Variants in MYO15B observed in about 807,000 individuals in gnomAD.
MYO15B encodes the protein myosin XVB pseudogene.
A neutral mutation model predicts 119.3 loss-of-function variants in MYO15B; 207 were observed. The ratio of observed to expected loss-of-function variants is 1.73; its 90% CI spans 1.55 to 1.95. MYO15B has a LOEUF of 1.95. Ranked by LOEUF, MYO15B falls within the 30% of genes most tolerant of loss-of-function variation. MYO15B has a pLI of 0.00. For synonymous variants in MYO15B, 966 were observed against 498.9 expected (o/e 1.94, Z -12.48); for missense variants, 2,264 against 1,203.1 (o/e 1.88, Z -13.04).
chr17:75,620,251 C>T (rs564893205), exon 48 of MYO15B: 13 of 702,554 alleles, frequency 1.9e-5, no homozygotes, highest in East Asian at 5.4e-5. Flanking sequence ...CACAGGACTC[C>T]GGCTATGTCA....
At position 75,621,175 on chromosome 17, in the gene MYO15B, TTG is replaced by T. The variant is rs1329799042; in HGVS notation, c.7871+2_7871+3del. 1.4e-6 allele frequency: 1 copy of T among 692,106 alleles called. No homozygotes were observed. The highest frequency in any genetic ancestry group is 2.6e-6 in the Non-Finnish European group (1 of 379,000). 42.9% of individuals were successfully genotyped at this position (692,106 alleles called of 1,614,324 possible). ...GCGTTACTTCCGGAGGTCCCAGGCC[TTG>T]TGAGTGCACTGGGCCAACCCCTGTG... On this transcript the variant is annotated splice_donor_variant and coding_sequence_variant, in exon 50 of 64. Transcript: ENST00000645453. LOFTEE classifies it high-confidence loss of function.
chr17:75,614,119 C>G, intron 29 of MYO15B, 80 bp from the exon 30 acceptor site: 2 of 669,248 alleles, frequency 3.0e-6, no homozygotes, highest in South Asian at 3.2e-5. Context: ...CCTCAGCCCC[C>G]TGCCCCCTTG....
Position 75,616,602 on chromosome 17 carries a change from C to T in MYO15B, c.6323C>T (p.Ala2108Val), listed in dbSNP as rs537069085. Reference sequence around the variant, plus strand: ...GCCAAAGCTCCAAAAGAGGCTGAGGCTGAGCCAGCCAAGGAGACAGCGGCC... The same window carrying T: ...GCCAAAGCTCCAAAAGAGGCTGAGGTTGAGCCAGCCAAGGAGACAGCGGCC... The change falls in exon 39 of 64, where the codon GCT (alanine) becomes GTT (valine). Residue 2108 changes from alanine to valine, a missense_variant. Physicochemically the swap from Ala to Val is moderately conservative, Grantham distance 64 (BLOSUM62 0). Coordinates refer to ENST00000645453, the Ensembl canonical transcript of MYO15B. The T allele has an allele frequency of 4.6e-5, 32 of 703,034 alleles. No individual in the cohort carries two copies. The East Asian group carries it at 8.6e-4, about 19-fold the overall frequency. 43.5% of individuals were successfully genotyped at this position (703,034 alleles called of 1,614,324 possible).
At chr17:75,591,978 TGGA>T in exon 6 of MYO15B, 1 of 702,416 alleles carries the variant, frequency 1.4e-6, no homozygotes, top group South Asian at 1.5e-5. Flanking sequence ...CCTGTACAGG[TGGA>T]GGATATGCTG....
intron 23 of MYO15B, 90 bp downstream of exon 23, chr17:75,611,049 G>T (rs2057995720): frequency 1.4e-6 from 1 of 699,538 alleles, no homozygotes; most frequent in African/African-American, 1.7e-5. Context: ...GTGCTACCGT[G>T]GGTCTTGTCC....
chr17:75,610,125 T>C (rs997298587), intron 21 of MYO15B, 41 bp from the exon 22 acceptor site: 7 of 676,962 alleles, frequency 1.0e-5, no homozygotes, highest in East Asian at 2.7e-5. Flanking sequence ...AAGCATAAGT[T>C]TGGACTCTTC....
chr17:75,596,633 T>C, intron 13 of MYO15B, 78 bp downstream of exon 13: 2 of 693,052 alleles, frequency 2.9e-6, no homozygotes, highest in Non-Finnish European at 2.6e-6. Context: ...TGAAGGAAAG[T>C]TGGGAACTGA....
chr17:75,588,003 C>A (rs978919070), exon 1 of MYO15B: 12 of 398,168 alleles, frequency 3.0e-5, no homozygotes, highest in African/African-American at 2.3e-4. Context: ...AGGCCAAATC[C>A]CCGGGGAGGG....
chr17:75,592,753 C>T (rs539172130), exon 9 of MYO15B: 13 of 702,616 alleles, frequency 1.9e-5, no homozygotes, highest in Middle Eastern at 2.4e-4. Context: ...TGCAGGGGCT[C>T]GGCTTGTGCC....
intron 6 of MYO15B, 35 bp from the exon 7 acceptor site, chr17:75,592,203 T>A: frequency 1.4e-6 from 1 of 702,322 alleles, no homozygotes; most frequent in Non-Finnish European, 2.6e-6. Context: ...GTGTTCTGCA[T>A]CCTGGGCACT....
rs2058466757 is a variant in MYO15B, at chr17:75,617,761, T to C, written c.6815-49T>C. 5 of 676,496 alleles carry C rather than the reference T, an allele frequency of 7.4e-6. No individual in the cohort carries two copies. The Admixed American group carries it at 1.0e-4, about 14-fold the overall frequency. 41.9% of individuals were successfully genotyped at this position (676,496 alleles called of 1,614,324 possible). A position where few individuals can be genotyped will look rare whatever the true frequency, so the allele number is the denominator to read the frequency against. ...CTTCCCTCCCGTGCCCCCATCACTC[T>C]GGCTCTGCAGCCCCTCACTGAGGCT... On this transcript the variant is annotated intron_variant, in intron 41 of 63. Transcript: ENST00000645453.
chr17:75,611,962 C>G (rs947983606), exon 25 of MYO15B: 1 of 702,866 alleles, frequency 1.4e-6, no homozygotes, highest in African/African-American at 1.7e-5. Flanking sequence ...GCCTGACTCT[C>G]CCAGCAGACA....
chr17:75,619,219 G>T lies in MYO15B; in HGVS notation c.7063+1G>T. The T allele has an allele frequency of 1.4e-6, 1 of 702,838 alleles. No individual in the cohort carries two copies. Among genetic ancestry groups the T allele is most frequent in the Non-Finnish European group, 2.6e-6 (1 of 384,994 alleles). The allele number at this position is 702,838 out of a possible 1,614,324, so 43.5% of individuals were successfully genotyped here. On this transcript the variant is annotated splice_donor_variant, in intron 44 of 63. Coordinates refer to ENST00000645453, the Ensembl canonical transcript of MYO15B. LOFTEE classifies it high-confidence loss of function. The stretch of plus-strand genomic sequence containing the variant: ...CGGCGGAAAATGAAAGACCTGCTGG[G>T]TATGGGTCCAGGGACCATGGAGTTG...
intron 58 of MYO15B, 22 bp from the exon 59 acceptor site, chr17:75,624,749 T>C: frequency 1.4e-6 from 1 of 702,660 alleles, no homozygotes; most frequent in South Asian, 1.5e-5. Context: ...TGAGCAGCAG[T>C]GGACCTAGGC....
chr17:75,594,106 A>AAAAG (rs2056681544), intron 9 of MYO15B, among the ~76,000 whole-genome samples: 1 of 32,284 alleles, frequency 3.1e-5, no homozygotes, highest in African/African-American at 5.6e-5. Flanking sequence ...AAAAAAAAAG[A>AAAAG]AAAAAAAAAA....
exon 25 of MYO15B, chr17:75,611,994 G>A: frequency 2.8e-6 from 2 of 702,992 alleles, no homozygotes; most frequent in South Asian, 1.5e-5. Flanking sequence ...CCTTTCTCCA[G>A]CTTCGTCGCC....
intron 19 of MYO15B, among the ~76,000 whole-genome samples, chr17:75,604,605 C>T (rs8082124): frequency 7.0e-6 from 1 of 143,032 alleles, no homozygotes; most frequent in Non-Finnish European, 1.5e-5. Flanking sequence ...GGCGAGGAGA[C>T]GAAGGCCTTG....
intron 53 of MYO15B, among the ~76,000 whole-genome samples, chr17:75,622,661 T>G (rs1396468132): frequency 1.3e-5 from 2 of 152,160 alleles, no homozygotes; most frequent in African/African-American, 2.4e-5. Context: ...TGTCTAAGTT[T>G]AAAAGCAAAA....
intron 22 of MYO15B, 53 bp from the exon 23 acceptor site, chr17:75,610,847 C>T: frequency 2.8e-6 from 2 of 702,660 alleles, no homozygotes; most frequent in Non-Finnish European, 5.2e-6. Flanking sequence ...GGGGAGGTGC[C>T]CCCAGGTGAC....
Sources: allele counts gnomAD v4.1 joint callset (sites outside exome capture counted in the v4.1 genomes callset), GRCh38; gene constraint gnomAD v4.1.1; transcripts MANE v1.5; gene names NCBI Gene and HGNC (gene_info 2026-07-23, HGNC 2026-07-21).